CDH18: variants seen among roughly 807,000 people sequenced by gnomAD.
CDH18 encodes the protein cadherin-18.
Under a neutral mutation model 67.9 loss-of-function variants are expected in CDH18, and 31 were observed. The ratio of observed to expected loss-of-function variants is 0.46; its 90% CI spans 0.34 to 0.62. CDH18 has a LOEUF of 0.62. Ranked by LOEUF, CDH18 falls within the 20% of genes least tolerant of loss-of-function variation. The pLI is 0.01. For missense variants in CDH18, 890 were observed against 975.5 expected (o/e 0.91, Z 1.17); for synonymous variants, 362 against 347.2 (o/e 1.04, Z -0.48).
At chr5:20,133,937 A>G (rs918209755) in intron 2 of CDH18, among the ~76,000 whole-genome samples, 3 of 152,094 alleles carry the variant, frequency 2.0e-5, no homozygotes, top group East Asian at 3.9e-4. Flanking sequence ...ATCACATTAT[A>G]TATGTCTTAC....
intron 8 of CDH18, among the ~76,000 whole-genome samples, chr5:19,570,129 A>T (rs1741133863): frequency 6.6e-6 from 1 of 152,194 alleles, no homozygotes; most frequent in African/African-American, 2.4e-5. Flanking sequence ...TTTAAACCTG[A>T]ACAAATCATA....
intron 4 of CDH18, among the ~76,000 whole-genome samples, chr5:19,745,365 C>A (rs1169425371): frequency 6.6e-6 from 1 of 152,138 alleles, no homozygotes; most frequent in Non-Finnish European, 1.5e-5. Context: ...CTGGGTAATG[C>A]CTGCTCTGCC....
intron 1 of CDH18, among the ~76,000 whole-genome samples, chr5:20,260,422 C>T (rs1305863963): frequency 6.6e-6 from 1 of 151,872 alleles, no homozygotes; most frequent in Non-Finnish European, 1.5e-5. Flanking sequence ...ACTGAGGCCT[C>T]TTATATATGC....
intron 3 of CDH18, among the ~76,000 whole-genome samples, chr5:19,760,103 T>C (rs951180768): frequency 1.3e-5 from 2 of 152,176 alleles, no homozygotes; most frequent in Non-Finnish European, 2.9e-5. Context: ...CTGTCCATTA[T>C]GGTAGCTACA....
chr5:20,559,473 T>C (rs557384781), intron 1 of CDH18, among the ~76,000 whole-genome samples: 1 of 152,242 alleles, frequency 6.6e-6, no homozygotes, highest in East Asian at 1.9e-4. Context: ...AATAGTATGG[T>C]ATATAATGTA....
intron 2 of CDH18, among the ~76,000 whole-genome samples, chr5:19,900,848 C>G (rs1461567131): frequency 1.3e-5 from 2 of 152,050 alleles, no homozygotes; most frequent in Non-Finnish European, 2.9e-5. Flanking sequence ...GGAAATCTGC[C>G]TTTTTATCCT....
intron 2 of CDH18, among the ~76,000 whole-genome samples, chr5:19,941,883 A>G (rs1393919370): frequency 3.3e-5 from 5 of 152,146 alleles, no homozygotes. Flanking sequence ...TTTGCCTAAG[A>G]TCATAAATGA....
chr5:20,056,040 C>A (rs893736763), intron 2 of CDH18, among the ~76,000 whole-genome samples: 2 of 128,794 alleles, frequency 1.6e-5, no homozygotes, highest in East Asian at 4.7e-4. Flanking sequence ...AGTCTCACTC[C>A]GTTACCCAGG....
intron 1 of CDH18, chr5:20,304,975 T>C (rs1736292986): frequency 1.2e-6 from 2 of 1,613,836 alleles, no homozygotes; most frequent in Admixed American, 1.7e-5. Context: ...GGCGGCCAAC[T>C]GCTTGTGATA....
chr5:19,809,172 A>G (rs1030033473), intron 3 of CDH18, among the ~76,000 whole-genome samples: 2 of 152,158 alleles, frequency 1.3e-5, no homozygotes, highest in African/African-American at 2.4e-5. Flanking sequence ...ACTAAAATAC[A>G]ATACAAGCAA....
intron 1 of CDH18, among the ~76,000 whole-genome samples, chr5:20,411,894 A>T (rs1283773290): frequency 3.3e-5 from 5 of 152,188 alleles, no homozygotes; most frequent in Non-Finnish European, 7.4e-5. Context: ...AGACATAAAC[A>T]AATGGAAAAT....
intron 3 of CDH18, among the ~76,000 whole-genome samples, chr5:19,823,322 TG>T (rs1260699634): frequency 6.6e-6 from 1 of 152,198 alleles, no homozygotes; most frequent in Non-Finnish European, 1.5e-5. Context: ...GGGTATTGAT[TG>T]GGGAAGTGAT....
intron 4 of CDH18, among the ~76,000 whole-genome samples, chr5:19,738,595 T>C (rs1451344262): frequency 1.3e-5 from 2 of 152,218 alleles, no homozygotes; most frequent in African/African-American, 4.8e-5. Context: ...TGTGGTACAA[T>C]TTATGCAGAA....
chr5:20,461,536 G>T (rs1433214668), intron 1 of CDH18, among the ~76,000 whole-genome samples: 1 of 152,018 alleles, frequency 6.6e-6, no homozygotes, highest in Non-Finnish European at 1.5e-5. Flanking sequence ...TTCGTGGTTT[G>T]TCTTTAATGT....
Position 20,414,821 on chromosome 5 carries a change from G to A in CDH18, c.-579-159316C>T, listed in dbSNP as rs183459997. On this transcript the variant is annotated intron_variant, in intron 1 of 14. Transcript: ENST00000507958. ...TATCATCAAAACAACAACAGCAATA[G>A]CAACCACAGCAAAAACAAATGTTGC... is the stretch of plus-strand genomic sequence containing the variant. Among the ~76,000 whole-genome samples, 17 of 152,162 alleles carry A rather than the reference G, an allele frequency of 1.1e-4. No individual in the cohort carries two copies. In the South Asian group the frequency reaches 2.1e-3, roughly 19 times the overall value.
intron 2 of CDH18, among the ~76,000 whole-genome samples, chr5:19,853,577 A>G (rs1783945496): frequency 6.6e-6 from 1 of 152,284 alleles, no homozygotes; most frequent in Admixed American, 6.5e-5. Context: ...GAAACCACTG[A>G]AAGGGACTTC....
chr5:19,875,125 A>G (rs913135015), intron 2 of CDH18, among the ~76,000 whole-genome samples: 2 of 152,166 alleles, frequency 1.3e-5, no homozygotes, highest in African/African-American at 4.8e-5. Flanking sequence ...AATAGTAGAT[A>G]CCTGACTTTT....
At chr5:19,540,075 T>C (rs1750006223) in intron 9 of CDH18, among the ~76,000 whole-genome samples, 1 of 151,472 alleles carries the variant, frequency 6.6e-6, no homozygotes, top group African/African-American at 2.4e-5. Context: ...CAAAAGCAAA[T>C]TAGTTACTTC....
At chr5:19,550,741 T>C (rs1190985300) in intron 8 of CDH18, among the ~76,000 whole-genome samples, 2 of 152,176 alleles carry the variant, frequency 1.3e-5, no homozygotes, top group Non-Finnish European at 2.9e-5. Context: ...CATGTGTCTT[T>C]ATAGCAGCAT....
Sources: gnomAD v4.1 joint callset for allele counts (sites outside exome capture counted in the v4.1 genomes callset) on GRCh38, gnomAD v4.1.1 for gene constraint, MANE v1.5 for transcripts, NCBI Gene and HGNC (gene_info 2026-07-23, HGNC 2026-07-21) for gene names.